The following TGFBR3 variants were observed in gnomAD, a reference collection of about 807,000 sequenced individuals.
The protein encoded by TGFBR3 is transforming growth factor beta receptor type 3.
In TGFBR3, 46 loss-of-function variants were observed where a neutral mutation model predicts 87.9. That is an observed-to-expected ratio of 0.52 (90% CI 0.41 to 0.67). TGFBR3 has a LOEUF of 0.67. TGFBR3 is among the 30% of genes least tolerant of loss of function. TGFBR3 has a pLI of 0.00. For missense variants in TGFBR3, 866 were observed against 1,041.9 expected, an observed-to-expected ratio of 0.83 and a Z score of 2.32; for synonymous variants, 381 against 391.6, an observed-to-expected ratio of 0.97 and a Z score of 0.32.
At position 91,830,709 on chromosome 1, in the gene TGFBR3, G is replaced by C. The variant is rs375392176; in HGVS notation, c.61+30762C>G. Among the ~76,000 whole-genome samples, 4 of 152,222 alleles carry C rather than the reference G, an allele frequency of 2.6e-5. No homozygotes were observed. The East Asian group carries it at 7.7e-4, about 29-fold the overall frequency. ...CAATACCCCACCCCTGACAGATCTC[G>C]GTCTGGGGCACAGGAAGAATGAAGG... On this transcript the variant is annotated intron_variant, in intron 2 of 16. Coordinates refer to ENST00000212355, the MANE Select transcript of TGFBR3 (RefSeq NM_003243.5).
chr1:91,904,995 T>C (rs1235157866), intron 1 of TGFBR3, among the ~76,000 whole-genome samples: 2 of 152,144 alleles, frequency 1.3e-5, no homozygotes, highest in Non-Finnish European at 2.9e-5. Flanking sequence ...CCACCATGCC[T>C]GGCCAGATTC....
chr1:91,843,343 C>T (rs1333301137), intron 2 of TGFBR3, among the ~76,000 whole-genome samples: 1 of 152,088 alleles, frequency 6.6e-6, no homozygotes, highest in Non-Finnish European at 1.5e-5. Context: ...AGGACTGTAT[C>T]CATGTGAGGA....
intron 2 of TGFBR3, among the ~76,000 whole-genome samples, chr1:91,849,883 C>T (rs978570212): frequency 5.3e-5 from 8 of 151,924 alleles, no homozygotes; most frequent in Admixed American, 3.3e-4. Flanking sequence ...GAGATTGAGA[C>T]CATCCTGGCT....
At chr1:91,761,082 C>T (rs1227343263) in intron 3 of TGFBR3, among the ~76,000 whole-genome samples, 1 of 152,242 alleles carries the variant, frequency 6.6e-6, no homozygotes, top group Non-Finnish European at 1.5e-5. Flanking sequence ...GCTGCATCAA[C>T]CCTTCTTCTG....
chr1:91,797,700 C>G (rs746012585), intron 2 of TGFBR3, among the ~76,000 whole-genome samples: 2 of 152,176 alleles, frequency 1.3e-5, no homozygotes, highest in Non-Finnish European at 2.9e-5. Flanking sequence ...TTTGGACTCA[C>G]AAGTCATGAA....
chr1:91,716,321 T>C lies in TGFBR3; in HGVS notation c.1781A>G (p.Asn594Ser), dbSNP rs1672170421. Residue 594 changes from asparagine to serine, a missense_variant, in exon 12 of 17, where the codon AAC (asparagine) becomes AGC (serine). Transcript: ENST00000212355. ...GAGGTCAGTGTTGTATAGCTCCATG[T>C]TGAAGGTGATGTTTCCGTGGGGCTG... ...QEQPHGNITFNMELYNTDLFL... is the reference protein window; with the variant it reads ...QEQPHGNITFSMELYNTDLFL... 6.2e-7 allele frequency: 1 copy of C among 1,614,192 alleles called. No homozygotes were observed. Among genetic ancestry groups the C allele is most frequent in the Non-Finnish European group, 8.5e-7 (1 of 1,180,038 alleles).
intron 5 of TGFBR3, among the ~76,000 whole-genome samples, chr1:91,730,533 A>T (rs900355995): frequency 4.6e-5 from 7 of 152,086 alleles, no homozygotes; most frequent in Admixed American, 3.9e-4. Context: ...GTTGACTTAT[A>T]CTGTCATCTG....
rs189074925 is a variant in TGFBR3, at chr1:91,716,973, C to A, written c.1567-265G>T. On this transcript the variant is annotated intron_variant, in intron 10 of 16. Coordinates refer to ENST00000212355, the MANE Select transcript of TGFBR3 (RefSeq NM_003243.5). The stretch of plus-strand genomic sequence containing the variant: ...TGAAAAATAAATATTTATGTTGTAA[C>A]CATATTGAATAATTACAAATGATTT... Among the ~76,000 whole-genome samples, 6 of 152,230 alleles carry A rather than the reference C, an allele frequency of 3.9e-5. No individual in the cohort carries two copies. In the East Asian group the frequency reaches 1.2e-3, roughly 29 times the overall value.
intron 1 of TGFBR3, among the ~76,000 whole-genome samples, chr1:91,876,839 CAG>C (rs753319466): frequency 2.4e-4 from 36 of 152,132 alleles, no homozygotes; most frequent in Non-Finnish European, 4.1e-4. Flanking sequence ...TGAAAGCCAA[CAG>C]AAAAACTAGC....
chr1:91,871,803 T>G (rs1263435350), intron 1 of TGFBR3, among the ~76,000 whole-genome samples: 1 of 152,124 alleles, frequency 6.6e-6, no homozygotes, highest in Non-Finnish European at 1.5e-5. Flanking sequence ...CTACCTGAGT[T>G]CAAATCCCCC....
At chr1:91,849,285 T>C (rs11466561) in intron 2 of TGFBR3, among the ~76,000 whole-genome samples, 6,341 of 152,234 alleles carry the variant, frequency 0.042, 185 homozygotes, top group Non-Finnish European at 0.065. Context: ...GAGAACCTTA[T>C]GATGGCCTGC....
chr1:91,696,129 A>G (rs1229274395), intron 15 of TGFBR3, among the ~76,000 whole-genome samples: 1 of 152,192 alleles, frequency 6.6e-6, no homozygotes, highest in Non-Finnish European at 1.5e-5. Flanking sequence ...TTCACAGGTT[A>G]AGATGCTTTG....
chr1:91,773,150 G>A (rs537180234), intron 3 of TGFBR3, among the ~76,000 whole-genome samples: 45 of 152,150 alleles, frequency 3.0e-4, no homozygotes, highest in Admixed American at 9.8e-4. Context: ...AGGCTGAGGC[G>A]GACAGATCAC....
intron 2 of TGFBR3, among the ~76,000 whole-genome samples, chr1:91,799,856 A>C (rs772648317): frequency 1.3e-5 from 2 of 152,122 alleles, no homozygotes; most frequent in Non-Finnish European, 2.9e-5. Flanking sequence ...ATCAAATAAT[A>C]AGGTACTCCC....
intron 2 of TGFBR3, among the ~76,000 whole-genome samples, chr1:91,815,074 G>A (rs934946443): frequency 6.6e-6 from 1 of 152,220 alleles, no homozygotes; most frequent in Non-Finnish European, 1.5e-5. Context: ...GGCCAAGGCA[G>A]GTGGATCACT....
intron 16 of TGFBR3, among the ~76,000 whole-genome samples, chr1:91,694,756 G>A (rs1366308870): frequency 1.3e-5 from 2 of 152,154 alleles, no homozygotes; most frequent in South Asian, 2.1e-4. Flanking sequence ...TGCCTCTGAC[G>A]GATCAATCTA....
intron 3 of TGFBR3, among the ~76,000 whole-genome samples, chr1:91,782,301 C>G (rs1005508911): frequency 6.6e-6 from 1 of 152,154 alleles, no homozygotes; most frequent in African/African-American, 2.4e-5. Flanking sequence ...ATGACTGAGG[C>G]AAAATGTATC....
chr1:91,800,770 G>A (rs906864013), intron 2 of TGFBR3, among the ~76,000 whole-genome samples: 1 of 152,070 alleles, frequency 6.6e-6, no homozygotes, highest in Admixed American at 6.5e-5. Context: ...ATCTTTAACA[G>A]TTCAGCATAC....
At chr1:91,693,880 C>G (rs112555640) in intron 16 of TGFBR3, among the ~76,000 whole-genome samples, 4 of 152,166 alleles carry the variant, frequency 2.6e-5, no homozygotes, top group African/African-American at 9.7e-5. Context: ...GACAAAATTA[C>G]TTACTTTAAA....
Sources: gnomAD v4.1 joint callset for allele counts (sites outside exome capture counted in the v4.1 genomes callset) on GRCh38, gnomAD v4.1.1 for gene constraint, MANE v1.5 for transcripts, NCBI Gene and HGNC (gene_info 2026-07-23, HGNC 2026-07-21) for gene names.